The following ZMAT4 variants were observed in gnomAD, a reference collection of about 807,000 sequenced individuals.
ZMAT4 encodes zinc finger matrin-type protein 4.
Under a neutral mutation model 28.7 loss-of-function variants are expected in ZMAT4, and 17 were observed. The ratio of observed to expected loss-of-function variants is 0.59; its 90% CI spans 0.41 to 0.89. The LOEUF is 0.89. Among genes scored for constraint, ZMAT4 ranks in the 40% least tolerant of loss-of-function variants. The pLI is 0.00. For missense variants in ZMAT4, 240 were observed against 283.8 expected (o/e 0.85, Z 1.11); for synonymous variants, 117 against 109.2 (o/e 1.07, Z -0.44).
intron 1 of ZMAT4, among the ~76,000 whole-genome samples, chr8:40,868,934 T>C (rs1451852148): frequency 6.6e-6 from 1 of 152,224 alleles, no homozygotes; most frequent in Non-Finnish European, 1.5e-5. Context: ...AAATCGGCAG[T>C]ATTGCCCATT....
chr8:40,684,251 A>C (rs571919318), intron 4 of ZMAT4, among the ~76,000 whole-genome samples: 35 of 152,330 alleles, frequency 2.3e-4, no homozygotes, highest in African/African-American at 7.5e-4. Context: ...AAGAGTTATG[A>C]CTTCACGCAT....
At chr8:40,820,827 G>T (rs1189738264) in intron 2 of ZMAT4, among the ~76,000 whole-genome samples, 1 of 10,586 alleles carries the variant, frequency 9.4e-5, no homozygotes, top group African/African-American at 8.0e-4. Context: ...GTATGTGTAT[G>T]TTTATGTGTG....
intron 6 of ZMAT4, among the ~76,000 whole-genome samples, chr8:40,574,433 AT>A (rs143913745): frequency 0.013 from 1,921 of 152,302 alleles, 31 homozygotes; most frequent in African/African-American, 0.044. Flanking sequence ...AGGCAAATCC[AT>A]ATTTATAGTT....
intron 2 of ZMAT4, among the ~76,000 whole-genome samples, chr8:40,777,804 G>C (rs995125351): frequency 6.6e-6 from 1 of 152,214 alleles, no homozygotes; most frequent in East Asian, 1.9e-4. Context: ...GTCAACAGCT[G>C]CAACAAGGCT....
chr8:40,672,782 T>C (rs899130594), intron 5 of ZMAT4, among the ~76,000 whole-genome samples: 1 of 152,202 alleles, frequency 6.6e-6, no homozygotes, highest in African/African-American at 2.4e-5. Flanking sequence ...AACACAGGCA[T>C]TGCAGTTAGG....
chr8:40,839,095 C>G (rs752852214), intron 1 of ZMAT4, among the ~76,000 whole-genome samples: 30 of 152,206 alleles, frequency 2.0e-4, no homozygotes, highest in Non-Finnish European at 3.2e-4. Context: ...ACTGCCTCTT[C>G]CAGAATATTT....
intron 5 of ZMAT4, among the ~76,000 whole-genome samples, chr8:40,601,614 GA>G (rs1325704407): frequency 3.7e-5 from 1 of 27,170 alleles, no homozygotes; most frequent in South Asian, 1.2e-3. Flanking sequence ...AAGAAAGAAA[GA>G]AAGAAAGAAA....
chr8:40,845,131 A>G (rs1000114464), intron 1 of ZMAT4, among the ~76,000 whole-genome samples: 2 of 152,200 alleles, frequency 1.3e-5, no homozygotes, highest in African/African-American at 4.8e-5. Context: ...ACCAATAAAT[A>G]TCGCATCTAC....
chr8:40,870,424 G>C (rs768982549), intron 1 of ZMAT4, among the ~76,000 whole-genome samples: 3 of 152,178 alleles, frequency 2.0e-5, no homozygotes, highest in Non-Finnish European at 4.4e-5. Flanking sequence ...TCTTACGTCA[G>C]TTTAATTTGT....
chr8:40,726,718 A>G (rs1811330029), intron 3 of ZMAT4, among the ~76,000 whole-genome samples: 1 of 152,208 alleles, frequency 6.6e-6, no homozygotes, highest in Non-Finnish European at 1.5e-5. Context: ...ATGCTCACTC[A>G]CTTATGTAGT....
At chr8:40,735,121 C>G (rs1184722789) in intron 3 of ZMAT4, among the ~76,000 whole-genome samples, 1 of 152,182 alleles carries the variant, frequency 6.6e-6, no homozygotes, top group African/African-American at 2.4e-5. Flanking sequence ...TCTGCCTTAT[C>G]ATTGCTCAGA....
chr8:40,541,253 CA>C (rs1202397869), intron 6 of ZMAT4, among the ~76,000 whole-genome samples: 2 of 152,094 alleles, frequency 1.3e-5, no homozygotes, highest in African/African-American at 4.8e-5. Flanking sequence ...GAAACAGAGA[CA>C]GGGGACTGAA....
At chr8:40,758,058 G>C (rs186753340) in intron 3 of ZMAT4, among the ~76,000 whole-genome samples, 6 of 152,122 alleles carry the variant, frequency 3.9e-5, no homozygotes, top group African/African-American at 1.4e-4. Context: ...TGCACTGTTG[G>C]CTTCTCTACT....
intron 5 of ZMAT4, among the ~76,000 whole-genome samples, chr8:40,617,762 A>G (rs1356847533): frequency 2.6e-5 from 4 of 152,226 alleles, no homozygotes; most frequent in Non-Finnish European, 4.4e-5. Flanking sequence ...GAAGAACCAC[A>G]TAACAAAAGA....
In ZMAT4 at chr8:40,849,630, AC is replaced by A. The variant is rs1817030682; in HGVS notation, c.-4-23951del. On this transcript the variant is annotated intron_variant, in intron 1 of 6. Transcript: ENST00000297737. ...AAGAAAAGGGTGGGGAGAGAAGACA[AC>A]TTACCCAGATGGCATCACTCACTCT... Among the ~76,000 whole-genome samples the A allele has an allele frequency of 3.3e-5, 5 of 152,240 alleles. 1 individual carries two copies. In the South Asian group the frequency reaches 1.0e-3, roughly 32 times the overall value.
intron 5 of ZMAT4, among the ~76,000 whole-genome samples, chr8:40,582,030 G>T (rs979778866): frequency 6.6e-6 from 1 of 152,156 alleles, no homozygotes; most frequent in African/African-American, 2.4e-5. Context: ...TATTCCTTCA[G>T]CTAGTATGTC....
At chr8:40,626,755 G>A (rs982376273) in intron 5 of ZMAT4, among the ~76,000 whole-genome samples, 18 of 152,176 alleles carry the variant, frequency 1.2e-4, no homozygotes, top group African/African-American at 4.3e-4. Flanking sequence ...GCAACACTGG[G>A]ATTGCTAATG....
At chr8:40,597,525 T>G (rs1037296124) in intron 5 of ZMAT4, among the ~76,000 whole-genome samples, 26 of 152,320 alleles carry the variant, frequency 1.7e-4, no homozygotes, top group African/African-American at 6.0e-4. Flanking sequence ...TCTTGAGTGC[T>G]CCAGCTAAAC....
intron 6 of ZMAT4, among the ~76,000 whole-genome samples, chr8:40,539,626 G>C (rs546051819): frequency 6.6e-6 from 1 of 152,248 alleles, no homozygotes; most frequent in African/African-American, 2.4e-5. Context: ...TTCCTCCTAG[G>C]AATGTCATGA....
Sources: allele counts gnomAD v4.1 joint callset (sites outside exome capture counted in the v4.1 genomes callset), GRCh38; gene constraint gnomAD v4.1.1; transcripts MANE v1.5; gene names NCBI Gene and HGNC (gene_info 2026-07-23, HGNC 2026-07-21).